SLC7A6: variants seen among roughly 807,000 people sequenced by gnomAD.
The protein encoded by SLC7A6 is solute carrier family 7 member 6.
Under a neutral mutation model 46.6 loss-of-function variants are expected in SLC7A6, and 29 were observed. The ratio of observed to expected loss-of-function variants is 0.62; its 90% CI spans 0.46 to 0.85. The LOEUF (loss-of-function observed/expected upper bound fraction) is 0.85. SLC7A6 is among the 40% of genes least tolerant of loss of function. The probability of loss-of-function intolerance (pLI) is 0.00; values close to 1 mark genes in which losing one functional copy is unlikely to be tolerated. For synonymous variants in SLC7A6, 276 were observed against 257.3 expected, an observed-to-expected ratio of 1.07 and a Z score of -0.70; for missense variants, 527 against 647.6, an observed-to-expected ratio of 0.81 and a Z score of 2.02.
At chr16:68,290,627 C>G (rs1268512078) in intron 5 of SLC7A6, 87 bp downstream of exon 5, 17 of 1,473,368 alleles carry the variant, frequency 1.2e-5, no homozygotes, top group Non-Finnish European at 1.5e-5. Flanking sequence ...TTCTCCTCCT[C>G]CCTCCGACTC....
chr16:68,296,779 C>T lies in SLC7A6; in HGVS notation c.1422C>T (p.Ser474=). 6.2e-7 allele frequency: 1 copy of T among 1,614,110 alleles called. No individual in the cohort carries two copies. Among genetic ancestry groups the T allele is most frequent in the Non-Finnish European group, 8.5e-7 (1 of 1,180,036 alleles). ...FYFMGVYLPE[S]RRPLFIRNVL... ...TCATGGGTGTTTACCTGCCAGAGTC[C>T]CGGAGGCCATTGTTTATTCGGAATG... The change falls in exon 10 of 11, where the codon TCC becomes TCT. Residue 474 remains serine (S), a synonymous_variant. Transcript: ENST00000219343.
At chr16:68,293,213 C>G (rs1039837621) in intron 7 of SLC7A6, among the ~76,000 whole-genome samples, 1 of 152,028 alleles carries the variant, frequency 6.6e-6, no homozygotes, top group East Asian at 1.9e-4. Flanking sequence ...GTCAGGAGTT[C>G]GAGACCAGCC....
rs2043275616 is a variant in SLC7A6 at position 68,301,508 on chromosome 16, T to TTGA, written c.*4180_*4181insTGA. 1 of 896,626 alleles carries TTGA rather than the reference T, an allele frequency of 1.1e-6. No homozygotes were observed. The highest frequency in any genetic ancestry group is 1.7e-6 in the Non-Finnish European group (1 of 602,760). The allele number at this position is 896,626 out of a possible 1,614,324, so 55.5% of individuals were successfully genotyped here. Reference sequence around the variant, plus strand: ...GGTCTGTTTTTGTTCCCGATTGTAATGCAAAATCCTTGCTCAATAAATAAA... The same window carrying TTGA: ...GGTCTGTTTTTGTTCCCGATTGTAATTGAGCAAAATCCTTGCTCAATAAATAAA... On this transcript the variant is annotated 3_prime_UTR_variant, in exon 11 of 11. Coordinates refer to ENST00000219343, the MANE Select transcript of SLC7A6 (RefSeq NM_003983.6).
In SLC7A6 at chr16:68,287,319, T is replaced by A; in HGVS notation, c.524-427T>A. On this transcript the variant is annotated intron_variant, in intron 3 of 10. Coordinates refer to ENST00000219343, the MANE Select transcript of SLC7A6 (RefSeq NM_003983.6). ...TGCAAAACACTGTCTCTCTAATTTC[T>A]TAGGTAACCTGCCATCTGCATTCAA... The A allele has an allele frequency of 3.1e-6, 4 of 1,289,170 alleles. No homozygotes were observed. The South Asian group carries it at 4.9e-5, about 16-fold the overall frequency. 79.9% of individuals were successfully genotyped at this position (1,289,170 alleles called of 1,614,324 possible). A position where few individuals can be genotyped will look rare whatever the true frequency, so the allele number is the denominator to read the frequency against.
chr16:68,274,211 G>A (rs2042669814), intron 2 of SLC7A6, among the ~76,000 whole-genome samples: 1 of 152,184 alleles, frequency 6.6e-6, no homozygotes, highest in African/African-American at 2.4e-5. Context: ...GCTGGACATT[G>A]CAGAAGTCCC....
intron 4 of SLC7A6, among the ~76,000 whole-genome samples, chr16:68,289,049 C>T (rs376198409): frequency 3.3e-5 from 5 of 150,774 alleles, no homozygotes; most frequent in African/African-American, 4.9e-5. Context: ...TCTGGGAGGC[C>T]GGGAGGCTGA....
intron 3 of SLC7A6, among the ~76,000 whole-genome samples, chr16:68,282,521 T>C (rs2042846867): frequency 6.6e-6 from 1 of 152,252 alleles, no homozygotes; most frequent in South Asian, 2.1e-4. Context: ...GATCCCCATT[T>C]GGAAGGGTTT....
At chr16:68,277,231 C>T (rs1419725855) in intron 3 of SLC7A6, among the ~76,000 whole-genome samples, 3 of 150,478 alleles carry the variant, frequency 2.0e-5, no homozygotes, top group East Asian at 2.0e-4. Context: ...GGATTACAGG[C>T]GCCCACCACC....
intron 4 of SLC7A6, 125 bp from the exon 5 acceptor site, chr16:68,290,271 T>C (rs1597001361): frequency 9.7e-7 from 1 of 1,031,876 alleles, no homozygotes; most frequent in Non-Finnish European, 1.4e-6. Context: ...CCTCCTTTTT[T>C]TCATCTTCCC....
chr16:68,271,974 T>A (rs2042630737), intron 2 of SLC7A6, among the ~76,000 whole-genome samples: 1 of 152,130 alleles, frequency 6.6e-6, no homozygotes, highest in African/African-American at 2.4e-5. Context: ...GCTAAATTTT[T>A]TTGTATTTTT....
At chr16:68,269,956 G>A (rs957477045) in intron 2 of SLC7A6, among the ~76,000 whole-genome samples, 3 of 152,020 alleles carry the variant, frequency 2.0e-5, no homozygotes, top group Non-Finnish European at 4.4e-5. Context: ...TTTTTGTAGA[G>A]ATGGGGTCTT....
chr16:68,287,131 C>G (rs2042952108), intron 3 of SLC7A6, among the ~76,000 whole-genome samples: 1 of 151,964 alleles, frequency 6.6e-6, no homozygotes, highest in Non-Finnish European at 1.5e-5. Context: ...GTGTGCACCA[C>G]CACGCCCAGC....
At chr16:68,275,460 T>G (rs1185561277) in intron 3 of SLC7A6, among the ~76,000 whole-genome samples, 1 of 151,804 alleles carries the variant, frequency 6.6e-6, no homozygotes, top group Non-Finnish European at 1.5e-5. Context: ...CTGGGCGTGG[T>G]GGTGCATGCC....
chr16:68,296,046 G>A (rs1279585409), intron 8 of SLC7A6, among the ~76,000 whole-genome samples: 19 of 152,150 alleles, frequency 1.2e-4, no homozygotes, highest in Admixed American at 3.3e-4. Context: ...CTAGGACACC[G>A]TGTAATCCAT....
At chr16:68,293,249 C>A (rs2043093680) in intron 7 of SLC7A6, among the ~76,000 whole-genome samples, 1 of 152,114 alleles carries the variant, frequency 6.6e-6, no homozygotes, top group Non-Finnish European at 1.5e-5. Flanking sequence ...AACCCTGTCT[C>A]TACTAAAAAT....
chr16:68,290,297 C>A (rs1383031612), intron 4 of SLC7A6, 99 bp from the exon 5 acceptor site: 2 of 1,249,072 alleles, frequency 1.6e-6, no homozygotes, highest in Non-Finnish European at 2.2e-6. Context: ...CTTTCCTATT[C>A]TCCTTTCGTA....
intron 2 of SLC7A6, among the ~76,000 whole-genome samples, chr16:68,271,491 T>C (rs1198098253): frequency 1.3e-5 from 2 of 151,882 alleles, no homozygotes; most frequent in Non-Finnish European, 2.9e-5. Flanking sequence ...TTGTAGTTTT[T>C]TGGTGTAGAC....
At chr16:68,267,561 T>A (rs1314196467) in intron 2 of SLC7A6, among the ~76,000 whole-genome samples, 1 of 152,152 alleles carries the variant, frequency 6.6e-6, no homozygotes, top group Non-Finnish European at 1.5e-5. Flanking sequence ...GTTTTCACCA[T>A]AGTTAAGATT....
At chr16:68,288,332 C>T (rs2042979274) in intron 4 of SLC7A6, among the ~76,000 whole-genome samples, 1 of 152,162 alleles carries the variant, frequency 6.6e-6, no homozygotes, top group African/African-American at 2.4e-5. Context: ...TTCATCTGGA[C>T]TTGTATTCAG....
Sources: allele counts gnomAD v4.1 joint callset (sites outside exome capture counted in the v4.1 genomes callset), GRCh38; gene constraint gnomAD v4.1.1; transcripts MANE v1.5; gene names NCBI Gene and HGNC (gene_info 2026-07-23, HGNC 2026-07-21).